Variants in GMNC observed in about 807,000 individuals in gnomAD.
GMNC encodes geminin coiled-coil domain containing.
GMNC carries 16 observed loss-of-function variants against 33.6 expected under a neutral mutation model. The ratio of observed to expected loss-of-function variants is 0.48; its 90% CI spans 0.32 to 0.72. The LOEUF is 0.72. Among genes scored for constraint, GMNC ranks in the 30% least tolerant of loss-of-function variants. The pLI, the probability that GMNC is intolerant of heterozygous loss-of-function variation, is 0.03. For missense variants in GMNC, 393 were observed against 388.9 expected (o/e 1.01, Z -0.09); for synonymous variants, 156 against 147.3 (o/e 1.06, Z -0.43).
chr3:190,844,914 A>G, the GMNC span, among the ~76,000 whole-genome samples: 1,599 of 152,274 alleles, frequency 0.011, 29 homozygotes, highest in African/African-American at 0.037. Context: ...TATCTGCAAT[A>G]TGTAGGAGAT....
At chr3:190,858,782 A>G in intron 3 of GMNC, 146 bp downstream of exon 3, 1 of 439,544 alleles carries the variant, frequency 2.3e-6, no homozygotes, top group Non-Finnish European at 4.1e-6. Context: ...TGATCATCTA[A>G]CTTTGATCTC....
At chr3:190,859,910 G>GT (rs1737825763) in intron 2 of GMNC, 1 of 414,570 alleles carries the variant, frequency 2.4e-6, no homozygotes, top group African/African-American at 2.1e-5. Context: ...TGGGCATTTT[G>GT]TTTTTACTGT....
chr3:190,860,944 C>A, intron 1 of GMNC, 86 bp from the exon 2 acceptor site: 6 of 869,704 alleles, frequency 6.9e-6, no homozygotes, highest in South Asian at 4.4e-5. Flanking sequence ...GGAGAAATAC[C>A]GAAATTACAT....
chr3:190,853,274 C>T lies in GMNC; in HGVS notation c.*2021G>A, dbSNP rs1002329078. The T allele has an allele frequency of 2.1e-4, 32 of 152,066 alleles. No homozygotes were observed. The highest frequency in any genetic ancestry group is 7.5e-4 in the African/African-American group (31 of 41,432). 9.4% of individuals were successfully genotyped at this position (152,066 alleles called of 1,614,324 possible). A position where few individuals can be genotyped will look rare whatever the true frequency, so the allele number is the denominator to read the frequency against. ...TAGACTTTCAAAATTAGTTATATTACTTTCTCAATTCCTAGTGTCATAAAG... is the reference window on the plus strand; with the variant it reads ...TAGACTTTCAAAATTAGTTATATTATTTTCTCAATTCCTAGTGTCATAAAG... On this transcript the variant is annotated 3_prime_UTR_variant, in exon 5 of 5. Transcript: ENST00000442080.
chr3:190,861,994 G>A lies in GMNC; in HGVS notation c.3+619C>T, dbSNP rs565089530. 2.6e-5 allele frequency among the ~76,000 whole-genome samples: 4 copies of A among 151,834 alleles called. No individual in the cohort carries two copies. The highest frequency in any genetic ancestry group is 2.1e-4 in the South Asian group (1 of 4,798). On this transcript the variant is annotated intron_variant, in intron 1 of 4. Transcript: ENST00000442080. This position sits in a 1 kb window ranked among gnomAD's most constrained non-coding sequence, Gnocchi z 5.1. ...AAAAAAAAGTTAAGTCAATTCAATC[G>A]CACTTTGTTAATGTTCTCGGTAAAT...
rs1400224084 is a variant in GMNC at position 190,861,261 on chromosome 3, T to C, written c.4-403A>G. Reference sequence around the variant, plus strand: ...GTTCTTTCTGCAAATACCTTAATTATATTTCTAAAACTCCTGAAGGACAAA... The same window carrying C: ...GTTCTTTCTGCAAATACCTTAATTACATTTCTAAAACTCCTGAAGGACAAA... On this transcript the variant is annotated intron_variant, in intron 1 of 4. Transcript: ENST00000442080. This position sits in a 1 kb window ranked among gnomAD's most constrained non-coding sequence, Gnocchi z 5.1. Among the ~76,000 whole-genome samples, 1 of 152,226 alleles carries C rather than the reference T, an allele frequency of 6.6e-6. No individual in the cohort carries two copies. The highest frequency in any genetic ancestry group is 1.5e-5 in the Non-Finnish European group (1 of 68,036).
chr3:190,861,494 CTATCT>C lies in GMNC; in HGVS notation c.4-641_4-637del, dbSNP rs1261200821. Among the ~76,000 whole-genome samples, 3 of 151,908 alleles carry C rather than the reference CTATCT, an allele frequency of 2.0e-5. No homozygotes were observed. Among genetic ancestry groups the C allele is most frequent in the Non-Finnish European group, 2.9e-5 (2 of 68,002 alleles). On this transcript the variant is annotated intron_variant, in intron 1 of 4. Coordinates refer to ENST00000442080, the MANE Select transcript of GMNC (RefSeq NM_001146686.3). This position sits in a 1 kb window ranked among gnomAD's most constrained non-coding sequence, Gnocchi z 5.1. ...TCTATCTATCTATCTATCTATCTAT[CTATCT>C]ATCTATCTATCTCTGTCCCAGAGAT... is the stretch of plus-strand genomic sequence containing the variant.
chr3:190,844,045 T>C, the GMNC span, among the ~76,000 whole-genome samples: 1 of 152,204 alleles, frequency 6.6e-6, no homozygotes, highest in Non-Finnish European at 1.5e-5. Context: ...AATATCATCA[T>C]TCCATTTAGA....
In GMNC at chr3:190,858,301, G is replaced by T. The variant is rs570091854; in HGVS notation, c.268-402C>A. Among the ~76,000 whole-genome samples, 14 of 151,940 alleles carry T rather than the reference G, an allele frequency of 9.2e-5. 1 individual carries two copies. In the East Asian group the frequency reaches 1.7e-3, roughly 19 times the overall value. ...AATAGAGGTGGGTCGCCTTTTTTCA[G>T]CCTCAAATGGACCTGTCTGTATGTC... On this transcript the variant is annotated intron_variant, in intron 3 of 4. Coordinates refer to ENST00000442080, the MANE Select transcript of GMNC (RefSeq NM_001146686.3).
intron 3 of GMNC, among the ~76,000 whole-genome samples, chr3:190,858,487 A>T (rs1183572003): frequency 6.6e-6 from 1 of 152,212 alleles, no homozygotes; most frequent in Non-Finnish European, 1.5e-5. Flanking sequence ...ATTATCCTTC[A>T]GGGGCAAAAC....
intron 4 of GMNC, among the ~76,000 whole-genome samples, chr3:190,856,278 T>TTATTTATAAATATTTATAAATAATACTTA (rs1737735945): frequency 7.1e-6 from 1 of 141,506 alleles, no homozygotes; most frequent in Non-Finnish European, 1.5e-5. Flanking sequence ...ATACTTATAT[T>TTATTTATAAATATTTATAAATAATACTTA]TATTTATAAA....
At chr3:190,856,038 T>C (rs1332422906) in intron 4 of GMNC, 123 bp from the exon 5 acceptor site, 8 of 708,730 alleles carry the variant, frequency 1.1e-5, no homozygotes, top group Non-Finnish European at 1.8e-5. Flanking sequence ...AGCTTGTTTG[T>C]AAAGTAAAAT....
chr3:190,855,195 C>A lies in GMNC; in HGVS notation c.*100G>T. On this transcript the variant is annotated 3_prime_UTR_variant, in exon 5 of 5. Coordinates refer to ENST00000442080, the MANE Select transcript of GMNC (RefSeq NM_001146686.3). Reference sequence around the variant, plus strand: ...GACATTTAAAGTGGCAGGAGACAGTCTAAGCAACAGCTTCTGTGTTCCACA... The same window carrying A: ...GACATTTAAAGTGGCAGGAGACAGTATAAGCAACAGCTTCTGTGTTCCACA... The A allele has an allele frequency of 1.6e-6, 2 of 1,228,604 alleles. No homozygotes were observed. Among genetic ancestry groups the A allele is most frequent in the Non-Finnish European group, 2.2e-6 (2 of 890,334 alleles). 76.1% of individuals were successfully genotyped at this position (1,228,604 alleles called of 1,614,324 possible). A position where few individuals can be genotyped will look rare whatever the true frequency, so the allele number is the denominator to read the frequency against.
chr3:190,851,614 C>A (rs1199307886), downstream of GMNC, among the ~76,000 whole-genome samples: 1 of 152,144 alleles, frequency 6.6e-6, no homozygotes, highest in African/African-American at 2.4e-5. Flanking sequence ...GAGGCTATAT[C>A]TCAGCTGAGG....
chr3:190,846,045 C>T, the GMNC span, among the ~76,000 whole-genome samples: 1,584 of 152,038 alleles, frequency 0.01, 26 homozygotes, highest in African/African-American at 0.037. Flanking sequence ...CTGGGCAACA[C>T]GGAGAAAACC....
chr3:190,859,839 A>T (rs761141532), intron 2 of GMNC: 1 of 455,382 alleles, frequency 2.2e-6, no homozygotes, highest in South Asian at 1.6e-5. Flanking sequence ...TTTTGATTAA[A>T]GTGAAATGAT....
At position 190,857,863 on chromosome 3, in the gene GMNC, C is replaced by T. The variant is rs370294362; in HGVS notation, c.304G>A (p.Ala102Thr). The T allele has an allele frequency of 1.1e-5, 17 of 1,550,718 alleles. No homozygotes were observed. The highest frequency in any genetic ancestry group is 1.7e-4 in the Middle Eastern group (1 of 6,016). Reference sequence around the variant, plus strand: ...TGATTATTCTCTTCGTGTAACCTGGCGAGTTCTTCTTCCTTCTGCACCAGG... The same window carrying T: ...TGATTATTCTCTTCGTGTAACCTGGTGAGTTCTTCTTCCTTCTGCACCAGG... ...DTLVQKEEEL[A>T]RLHEENNHLR... The change falls in exon 4 of 5, where the codon GCC becomes ACC. Residue 102 changes from alanine to threonine, a missense_variant. Physicochemically the swap from Ala to Thr is moderately conservative, Grantham distance 58. Coordinates refer to ENST00000442080, the MANE Select transcript of GMNC (RefSeq NM_001146686.3).
chr3:190,860,649 C>T (rs1234776439), intron 2 of GMNC, 35 bp downstream of exon 2: 1 of 1,520,960 alleles, frequency 6.6e-7, no homozygotes, highest in Non-Finnish European at 8.9e-7. Context: ...AAAAGAGCTC[C>T]AGATCTATCA....
In GMNC at chr3:190,858,950, G is replaced by C. The variant is rs1737805884; in HGVS notation, c.245C>G (p.Ser82Cys). The C allele has an allele frequency of 1.2e-5, 18 of 1,549,524 alleles. No individual in the cohort carries two copies. The highest frequency in any genetic ancestry group is 1.6e-5 in the Non-Finnish European group (18 of 1,145,236). ...LCSWEEAQLS[S>C]QLYRNKQLQD... Reference sequence around the variant, plus strand: ...TACCTGCTTATTTCTGTAGAGCTGAGAGGAAAGCTGAGCCTCTTCCCATGA... The same window carrying C: ...TACCTGCTTATTTCTGTAGAGCTGACAGGAAAGCTGAGCCTCTTCCCATGA... The change falls in exon 3 of 5, where the codon TCT becomes TGT. Residue 82 changes from serine to cysteine, a missense_variant. Ser to Cys is a moderately radical substitution (Grantham distance 112, BLOSUM62 -1). Transcript: ENST00000442080.
Sources: gnomAD v4.1 joint callset for allele counts (sites outside exome capture counted in the v4.1 genomes callset) on GRCh38, gnomAD v4.1.1 for gene constraint, Gnocchi (gnomAD v3.1) non-coding constraint, MANE v1.5 for transcripts, NCBI Gene and HGNC (gene_info 2026-07-23, HGNC 2026-07-21) for gene names.